CCDC50: variants seen among roughly 807,000 people sequenced by gnomAD.
The protein encoded by CCDC50 is coiled-coil domain-containing protein 50.
In CCDC50, 54 loss-of-function variants were observed where a neutral mutation model predicts 70.2. That is an observed-to-expected ratio of 0.77 (90% CI 0.62 to 0.96). The LOEUF (loss-of-function observed/expected upper bound fraction) is 0.96. Among genes scored for constraint, CCDC50 ranks in the 50% least tolerant of loss-of-function variants. CCDC50 has a pLI of 0.00. For synonymous variants in CCDC50, 216 were observed against 198.8 expected (o/e 1.09, Z -0.73); for missense variants, 558 against 578.7 (o/e 0.96, Z 0.37).
At chr3:191,379,484 T>C (rs1713232439) in intron 6 of CCDC50, among the ~76,000 whole-genome samples, 1 of 152,142 alleles carries the variant, frequency 6.6e-6, no homozygotes, top group Non-Finnish European at 1.5e-5. Context: ...AATTGCTTTA[T>C]AGGAATAAAT....
Position 191,380,686 on chromosome 3 carries a change from G to A in CCDC50, c.1093-1G>A. On this transcript the variant is annotated splice_acceptor_variant, in intron 7 of 11. Transcript: ENST00000392455. LOFTEE classifies it high-confidence loss of function. The stretch of plus-strand genomic sequence containing the variant: ...TTGTTTTTGTATTTTCGATATCATA[G>A]GCTACCCAGGTGGACATGAGAGCCG... 2 of 1,612,094 alleles carry A rather than the reference G, an allele frequency of 1.2e-6. No individual in the cohort carries two copies. The highest frequency in any genetic ancestry group is 1.7e-6 in the Non-Finnish European group (2 of 1,178,816).
At chr3:191,390,729 T>C (rs947934146) in intron 11 of CCDC50, among the ~76,000 whole-genome samples, 3 of 152,198 alleles carry the variant, frequency 2.0e-5, no homozygotes, top group African/African-American at 7.2e-5. Flanking sequence ...CCAGGTTCTT[T>C]ACCAAAGCCT....
At chr3:191,354,358 T>A (rs73185209) in intron 1 of CCDC50, among the ~76,000 whole-genome samples, 13,954 of 152,040 alleles carry the variant, frequency 0.092, 696 homozygotes, top group East Asian at 0.24. Context: ...ATTAAAAAAA[T>A]TTTTTTTAAC....
In CCDC50 at chr3:191,380,920, C is replaced by A. The variant is rs1402322926; in HGVS notation, c.1230C>A (p.Asp410Glu). The change falls in exon 9 of 12, where the codon GAC (aspartate) becomes GAA (glutamate). Residue 410 changes from aspartate (D) to glutamate (E), a missense_variant. Asp to Glu is a conservative substitution (Grantham distance 45). Coordinates refer to ENST00000392455, the MANE Select transcript of CCDC50 (RefSeq NM_178335.3). ...CATCTTTGGACAAAAGAAAGCAAGA[C>A]CCCGAGTGGAAGGTAGAGTGTGTTT... The part of the protein sequence containing the change: ...EKSSLDKRKQ[D>E]PEWKPKTAKA... 8 of 1,611,878 alleles carry A rather than the reference C, an allele frequency of 5.0e-6. No homozygotes were observed. Among genetic ancestry groups the A allele is most frequent in the African/African-American group, 2.7e-5 (2 of 74,798 alleles).
intron 5 of CCDC50, among the ~76,000 whole-genome samples, chr3:191,374,423 C>G (rs1203060646): frequency 6.6e-6 from 1 of 152,100 alleles, no homozygotes; most frequent in Non-Finnish European, 1.5e-5. Context: ...CTACAGATAA[C>G]AGGGTCATGA....
Position 191,370,056 on chromosome 3 carries a change from G to T in CCDC50, c.448+20G>T. 1.4e-6 allele frequency: 2 copies of T among 1,480,122 alleles called. No individual in the cohort carries two copies. The highest frequency in any genetic ancestry group is 1.1e-5 in the South Asian group (1 of 88,310). The allele number at this position is 1,480,122 out of a possible 1,614,324, so 91.7% of individuals were successfully genotyped here. ...ATGGAGGTAACAATTCCTGCATCAT[G>T]ATCTATTCTATCCTTAGACTCAACC... On this transcript the variant is annotated intron_variant, in intron 5 of 11. Coordinates refer to ENST00000392455, the MANE Select transcript of CCDC50 (RefSeq NM_178335.3).
intron 10 of CCDC50, among the ~76,000 whole-genome samples, chr3:191,386,426 T>C (rs994121912): frequency 6.6e-6 from 1 of 152,150 alleles, no homozygotes; most frequent in Non-Finnish European, 1.5e-5. Flanking sequence ...GGTTTCACCA[T>C]CTTGGCAAAG....
intron 2 of CCDC50, among the ~76,000 whole-genome samples, chr3:191,357,619 T>C (rs543492687): frequency 1.3e-5 from 2 of 152,352 alleles, no homozygotes; most frequent in East Asian, 3.9e-4. Context: ...TACATACTTG[T>C]GAATATATGA....
At chr3:191,349,966 A>ACCCCC (rs11454979) in intron 1 of CCDC50, among the ~76,000 whole-genome samples, 111 of 105,614 alleles carry the variant, frequency 1.1e-3, no homozygotes, top group Middle Eastern at 4.6e-3. Flanking sequence ...ATTTAATAAT[A>ACCCCC]CCCCCCCCCT....
At position 191,375,560 on chromosome 3, in the gene CCDC50, G is replaced by A. The variant is rs746484384; in HGVS notation, c.947G>A (p.Ser316Asn). ...HRPRTPPFSESEEQLHLHDAG... is the reference protein window; with the variant it reads ...HRPRTPPFSENEEQLHLHDAG... ...CCCAGGACTCCTCCATTCTCAGAGA[G>A]TGAGGAGCAGCTCCACCTCCATGAC... The change falls in exon 6 of 12, where the codon AGT becomes AAT. Residue 316 changes from serine to asparagine, a missense_variant. Physicochemically the swap from Ser to Asn is conservative, Grantham distance 46. Coordinates refer to ENST00000392455, the MANE Select transcript of CCDC50 (RefSeq NM_178335.3). The A allele has an allele frequency of 6.8e-6, 11 of 1,613,200 alleles. No individual in the cohort carries two copies. Among genetic ancestry groups the A allele is most frequent in the South Asian group, 6.6e-5 (6 of 91,010 alleles).
At chr3:191,382,712 A>G (rs1713361004) in intron 9 of CCDC50, 34 bp from the exon 10 acceptor site, 1 of 1,397,594 alleles carries the variant, frequency 7.2e-7, no homozygotes, top group African/African-American at 1.5e-5. Context: ...TGTGTGTGTT[A>G]TTTTTGTTTG....
At chr3:191,378,267 A>G (rs1010530410) in intron 6 of CCDC50, among the ~76,000 whole-genome samples, 4 of 152,168 alleles carry the variant, frequency 2.6e-5, no homozygotes, top group Admixed American at 6.6e-5. Context: ...TTTAACTGCC[A>G]GAGGTTACAG....
intron 1 of CCDC50, among the ~76,000 whole-genome samples, chr3:191,347,971 A>C (rs994017006): frequency 7.0e-6 from 1 of 142,518 alleles, no homozygotes; most frequent in Non-Finnish European, 1.6e-5. Context: ...TAAATGTTGG[A>C]GATAAAATGA....
chr3:191,335,403 T>C lies in CCDC50; in HGVS notation c.49+5680T>C, dbSNP rs1215166494. 2.6e-5 allele frequency among the ~76,000 whole-genome samples: 4 copies of C among 152,316 alleles called. No homozygotes were observed. In the East Asian group the frequency reaches 7.7e-4, roughly 29 times the overall value. On this transcript the variant is annotated intron_variant, in intron 1 of 11. Coordinates refer to ENST00000392455, the MANE Select transcript of CCDC50 (RefSeq NM_178335.3). ...AAAGGTGTCCTGTGCTTCAAAAATG[T>C]AAAATTAGAATAACCTAGATCTTAG...
chr3:191,373,085 G>T (rs1346817657), intron 5 of CCDC50, among the ~76,000 whole-genome samples: 1 of 151,774 alleles, frequency 6.6e-6, no homozygotes, highest in East Asian at 1.9e-4. Flanking sequence ...ATAAATATGT[G>T]TGTGTGTGTG....
chr3:191,333,186 T>TA (rs1354419055), intron 1 of CCDC50, among the ~76,000 whole-genome samples: 1 of 152,220 alleles, frequency 6.6e-6, no homozygotes, highest in Non-Finnish European at 1.5e-5. Context: ...GAAGTACAGG[T>TA]AGCTAGCTAT....
chr3:191,381,775 GT>G (rs1713329685), intron 9 of CCDC50, among the ~76,000 whole-genome samples: 1 of 152,070 alleles, frequency 6.6e-6, no homozygotes, highest in South Asian at 2.1e-4. Context: ...TGAAACCTAG[GT>G]TGTGTATTCC....
intron 1 of CCDC50, among the ~76,000 whole-genome samples, chr3:191,354,619 G>T (rs952244900): frequency 6.6e-6 from 1 of 152,102 alleles, no homozygotes; most frequent in Admixed American, 6.6e-5. Flanking sequence ...AGAATGATGT[G>T]TGTTTTACAT....
intron 10 of CCDC50, among the ~76,000 whole-genome samples, chr3:191,385,574 C>G (rs1352182162): frequency 6.6e-6 from 1 of 152,132 alleles, no homozygotes; most frequent in Non-Finnish European, 1.5e-5. Context: ...GCATAATTTG[C>G]AAATATTTTC....
Sources: gnomAD v4.1 joint callset for allele counts (sites outside exome capture counted in the v4.1 genomes callset) on GRCh38, gnomAD v4.1.1 for gene constraint, MANE v1.5 for transcripts, NCBI Gene and HGNC (gene_info 2026-07-23, HGNC 2026-07-21) for gene names.